Variants in WDCP observed in about 807,000 individuals in gnomAD.
WDCP encodes the protein WD repeat and coiled-coil-containing protein.
Under a neutral mutation model 41.6 loss-of-function variants are expected in WDCP, and 19 were observed. The ratio of observed to expected loss-of-function variants is 0.46; its 90% CI spans 0.32 to 0.67. The LOEUF is 0.67. WDCP is among the 30% of genes least tolerant of loss of function. The pLI is 0.04. For synonymous variants in WDCP, 302 were observed against 320.8 expected (o/e 0.94, Z 0.63); for missense variants, 802 against 850.7 (o/e 0.94, Z 0.71).
chr2:24,031,251 G>T, intron 3 of WDCP, 89 bp from the exon 4 acceptor site: 1 of 840,272 alleles, frequency 1.2e-6, no homozygotes, highest in Non-Finnish European at 1.9e-6. Flanking sequence ...TCTGAGTGAA[G>T]GAATATAGTA....
Position 24,030,782 on chromosome 2 carries a change from CA to C in WDCP, c.*150del. The C allele has an allele frequency of 1.6e-6, 1 of 632,524 alleles. No homozygotes were observed. The highest frequency in any genetic ancestry group is 2.8e-6 in the Non-Finnish European group (1 of 355,598). 39.2% of individuals were successfully genotyped at this position (632,524 alleles called of 1,614,324 possible). A position where few individuals can be genotyped will look rare whatever the true frequency, so the allele number is the denominator to read the frequency against. ...TGCTACACAGCAGCGAGCCTCAGCT[CA>C]GGGGAAACAGGGGGAAACCAGGAGA... On this transcript the variant is annotated 3_prime_UTR_variant, in exon 4 of 4. Transcript: ENST00000295148.
intron 1 of WDCP, among the ~76,000 whole-genome samples, chr2:24,045,298 C>T (rs1341001194): frequency 6.6e-6 from 1 of 152,092 alleles, no homozygotes; most frequent in Non-Finnish European, 1.5e-5. Flanking sequence ...GAGCATGTTT[C>T]AAAGGCAAGG....
intron 2 of WDCP, among the ~76,000 whole-genome samples, chr2:24,036,232 G>T (rs963477938): frequency 6.6e-6 from 1 of 151,996 alleles, no homozygotes; most frequent in African/African-American, 2.4e-5. Flanking sequence ...GGGGCCACAT[G>T]CAGTGGCACA....
chr2:24,032,265 C>A (rs1249061055), intron 3 of WDCP, among the ~76,000 whole-genome samples: 1 of 152,080 alleles, frequency 6.6e-6, no homozygotes, highest in Non-Finnish European at 1.5e-5. Flanking sequence ...GCCTTTAATC[C>A]CAGCACTTTG....
intron 3 of WDCP, 24 bp downstream of exon 3, chr2:24,032,805 G>A: frequency 7.4e-7 from 1 of 1,350,612 alleles, no homozygotes; most frequent in Non-Finnish European, 1.1e-6. Context: ...TGTTAGCTAG[G>A]GTCAATTTCT....
chr2:24,035,792 C>T (rs968611875), intron 2 of WDCP, among the ~76,000 whole-genome samples: 7 of 151,374 alleles, frequency 4.6e-5, no homozygotes, highest in Non-Finnish European at 7.4e-5. Flanking sequence ...AAAATTAGGC[C>T]GGGCGCAGTG....
chr2:24,038,542 T>C lies in WDCP; in HGVS notation c.953A>G (p.His318Arg), dbSNP rs1333729824. Residue 318 changes from histidine (H) to arginine (R), a missense_variant, in exon 2 of 4, where the codon CAT (histidine) becomes CGT (arginine). His to Arg is a conservative substitution (Grantham distance 29). This residue lies in a region of WDCP where 247 missense variants were observed against 240.5 expected (regional missense o/e 1.03). Transcript: ENST00000295148. ...CTTCTTAAAGGTCACAAGGACCAAA[T>C]GTGAAGAATCTTGGCCAGTTCCTGT... ...YLTGTGQDSS[H>R]LVLVTFKKAV... 2 of 1,614,112 alleles carry C rather than the reference T, an allele frequency of 1.2e-6. No individual in the cohort carries two copies. Among genetic ancestry groups the C allele is most frequent in the East Asian group, 2.2e-5 (1 of 44,898 alleles).
At chr2:24,032,205 T>C (rs1327105109) in intron 3 of WDCP, among the ~76,000 whole-genome samples, 1 of 151,958 alleles carries the variant, frequency 6.6e-6, no homozygotes, top group East Asian at 1.9e-4. Context: ...GACCCCGTTA[T>C]CTACAAACAT....
chr2:24,046,770 GA>G (rs1214904262), intron 1 of WDCP, among the ~76,000 whole-genome samples: 1 of 152,128 alleles, frequency 6.6e-6, no homozygotes, highest in Non-Finnish European at 1.5e-5. Context: ...TTCATCCAAA[GA>G]AAATTATGAC....
intron 3 of WDCP, 57 bp from the exon 4 acceptor site, chr2:24,031,219 CAT>C (rs1663087576): frequency 7.6e-7 from 1 of 1,313,336 alleles, no homozygotes; most frequent in Non-Finnish European, 1.1e-6. Flanking sequence ...TATGATGAAA[CAT>C]ATGACTACAA....
At chr2:24,035,143 T>G (rs1053191578) in intron 2 of WDCP, among the ~76,000 whole-genome samples, 3 of 151,960 alleles carry the variant, frequency 2.0e-5, no homozygotes, top group Non-Finnish European at 2.9e-5. Flanking sequence ...TTTTACTTTC[T>G]GTAATGGTAA....
rs576082616 is a variant in WDCP, at chr2:24,038,261, T to C, written c.1234A>G (p.Thr412Ala). 2 of 1,614,138 alleles carry C rather than the reference T, an allele frequency of 1.2e-6. No individual in the cohort carries two copies. Among genetic ancestry groups the C allele is most frequent in the African/African-American group, 2.7e-5 (2 of 75,062 alleles). The change falls in exon 2 of 4, where the codon ACA becomes GCA. Residue 412 changes from threonine (T) to alanine (A), a missense_variant. Coordinates refer to ENST00000295148, the MANE Select transcript of WDCP (RefSeq NM_025203.3). ...TCAGACTTTGAAGAAGGAAGAAATG[T>C]TGTATCAGTGAGTTTTTGTTTTCCT... ...LVGKQKLTDTTFLPSSKSDQY... is the reference protein window; with the variant it reads ...LVGKQKLTDTAFLPSSKSDQY...
chr2:24,038,942 C>T lies in WDCP; in HGVS notation c.553G>A (p.Asp185Asn), dbSNP rs1403020887. Residue 185 changes from aspartate to asparagine, a missense_variant, in exon 2 of 4, where the codon GAC becomes AAC. Asp to Asn is a conservative substitution (Grantham distance 23, BLOSUM62 1). This residue lies in a region of WDCP where 214 missense variants were observed against 252.9 expected (regional missense o/e 0.85). Coordinates refer to ENST00000295148, the MANE Select transcript of WDCP (RefSeq NM_025203.3). ...CTGTGAAGAGTCTTCTGAGCGCTGT[C>T]CCAAATATAAGAATGCAGGCTGCTG... ...VGSSLHSYIW[D>N]SAQKTLHRCS... The T allele has an allele frequency of 3.7e-6, 6 of 1,614,082 alleles. No homozygotes were observed. The highest frequency in any genetic ancestry group is 2.7e-5 in the African/African-American group (2 of 74,918).
At chr2:24,033,808 T>C (rs1389967418) in intron 2 of WDCP, among the ~76,000 whole-genome samples, 1 of 152,070 alleles carries the variant, frequency 6.6e-6, no homozygotes, top group Non-Finnish European at 1.5e-5. Flanking sequence ...TGTTAAGCAC[T>C]TTGGGAGGCC....
chr2:24,035,534 GA>G (rs1663217667), intron 2 of WDCP, among the ~76,000 whole-genome samples: 1 of 151,756 alleles, frequency 6.6e-6, no homozygotes, highest in South Asian at 2.1e-4. Context: ...AAAGACAGAA[GA>G]AAAAGAAAAC....
intron 1 of WDCP, among the ~76,000 whole-genome samples, chr2:24,041,340 C>CAA (rs35390594): frequency 2.5e-3 from 319 of 127,304 alleles, no homozygotes; most frequent in African/African-American, 7.3e-3. Flanking sequence ...ACTCTATCTC[C>CAA]AAAAAAAAAA....
chr2:24,044,817 TAAAAAAAAAAAA>T (rs747340836), intron 1 of WDCP, among the ~76,000 whole-genome samples: 248 of 103,918 alleles, frequency 2.4e-3, no homozygotes, highest in African/African-American at 8.6e-3. Flanking sequence ...GAATTATCTT[TAAAAAAAAAAAA>T]AAAAAAAAAA....
chr2:24,031,967 T>A (rs1663110285), intron 3 of WDCP, among the ~76,000 whole-genome samples: 1 of 152,264 alleles, frequency 6.6e-6, no homozygotes, highest in South Asian at 2.1e-4. Context: ...TATTTTTTCA[T>A]ATGTACATTT....
At chr2:24,035,764 AT>A (rs869120969) in intron 2 of WDCP, among the ~76,000 whole-genome samples, 5 of 151,188 alleles carry the variant, frequency 3.3e-5, no homozygotes, top group South Asian at 2.1e-4. Flanking sequence ...TTAAAAAAAA[AT>A]TTTTTTTAAT....
Sources: gnomAD v4.1 joint callset for allele counts (sites outside exome capture counted in the v4.1 genomes callset) on GRCh38, gnomAD v4.1.1 for gene constraint, gnomAD v4.1.1 regional missense constraint, MANE v1.5 for transcripts, NCBI Gene and HGNC (gene_info 2026-07-23, HGNC 2026-07-21) for gene names.